Variants in UBE2N observed in about 807,000 individuals in gnomAD.
UBE2N encodes ubiquitin conjugating enzyme E2 N.
For missense variants in UBE2N, 60 were observed against 192.1 expected (o/e 0.31, Z 4.07); for synonymous variants, 70 against 69.2 (o/e 1.01, Z -0.06).
intron 1 of UBE2N, among the ~76,000 whole-genome samples, chr12:93,438,012 C>T (rs78045179): frequency 3.3e-4 from 51 of 152,262 alleles, no homozygotes; most frequent in Non-Finnish European, 5.9e-4. Flanking sequence ...GGGTGGAAAA[C>T]GAGACTAGCT....
intron 1 of UBE2N, among the ~76,000 whole-genome samples, chr12:93,436,364 A>G (rs964626254): frequency 1.3e-5 from 2 of 152,196 alleles, no homozygotes; most frequent in Admixed American, 1.3e-4. Flanking sequence ...TCAGCCTCCC[A>G]AAGTACTGAG....
rs1465333943 is a variant in UBE2N at position 93,407,309 on chromosome 12, T to C, written c.*2730A>G. 1 of 152,282 alleles carries C rather than the reference T, an allele frequency of 6.6e-6. No homozygotes were observed. Among genetic ancestry groups the C allele is most frequent in the Non-Finnish European group, 1.5e-5 (1 of 68,098 alleles). 9.4% of individuals were successfully genotyped at this position (152,282 alleles called of 1,614,324 possible). On this transcript the variant is annotated 3_prime_UTR_variant, in exon 4 of 4. Coordinates refer to ENST00000318066, the MANE Select transcript of UBE2N (RefSeq NM_003348.4). ...CTTTTCCATGACAGAGTTACAACTATTTGTCTGTCCCCCTTCCCCATTAGA... is the reference window on the plus strand; with the variant it reads ...CTTTTCCATGACAGAGTTACAACTACTTGTCTGTCCCCCTTCCCCATTAGA...
chr12:93,441,719 G>A (rs1879120406), intron 1 of UBE2N, 136 bp downstream of exon 1: 2 of 1,221,330 alleles, frequency 1.6e-6, no homozygotes, highest in Middle Eastern at 5.5e-4. Context: ...CCTCGCCGCC[G>A]CGGCCAACCC....
rs34053448 is a variant in UBE2N at position 93,429,563 on chromosome 12, TAA to T, written c.30+12290_30+12291del. Among the ~76,000 whole-genome samples, 381 of 138,732 alleles carry T rather than the reference TAA, an allele frequency of 2.7e-3. 3 individuals carry two copies. Among genetic ancestry groups the T allele is most frequent in the African/African-American group, 8.3e-3 (313 of 37,748 alleles). The allele number at this position is 138,732 out of a possible 152,430, so 91.0% of individuals were successfully genotyped here. On this transcript the variant is annotated intron_variant, in intron 1 of 3. Coordinates refer to ENST00000318066, the MANE Select transcript of UBE2N (RefSeq NM_003348.4). ...TTTAGAGTGTATTCCTTCTGCTTGT[TAA>T]AAAAAAAAAAAAAAGTTGACTGTAA...
In UBE2N at chr12:93,411,255, G is replaced by A. The variant is rs781128824; in HGVS notation, c.75C>T (p.Ala25=). ...LLAEPVPGIK[A]EPDESNARYF... ...AACGGGCGTTGCTCTCATCTGGTTC[G>A]GCTTTGATGCCAGGAACTGGTTCTG... is the stretch of plus-strand genomic sequence containing the variant. The change falls in exon 2 of 4, where the codon GCC becomes GCT. Residue 25 remains alanine (A), a synonymous_variant. Transcript: ENST00000318066. The A allele has an allele frequency of 8.7e-6, 14 of 1,612,706 alleles. No individual in the cohort carries two copies. Among genetic ancestry groups the A allele is most frequent in the South Asian group, 5.5e-5 (5 of 91,026 alleles).
chr12:93,409,878 G>C lies in UBE2N; in HGVS notation c.*161C>G. The stretch of plus-strand genomic sequence containing the variant: ...GCTTTATGACAGTGAATCAGGACAA[G>C]ACATAGATTTGCTAATGTGCATTTA... On this transcript the variant is annotated 3_prime_UTR_variant, in exon 4 of 4. Coordinates refer to ENST00000318066, the MANE Select transcript of UBE2N (RefSeq NM_003348.4). The C allele has an allele frequency of 1.4e-6, 1 of 693,190 alleles. No individual in the cohort carries two copies. The highest frequency in any genetic ancestry group is 2.5e-6 in the Non-Finnish European group (1 of 393,368). The allele number at this position is 693,190 out of a possible 1,614,324, so 42.9% of individuals were successfully genotyped here.
rs1278765489 is a variant in UBE2N, at chr12:93,409,403, T to A, written c.*636A>T. Reference sequence around the variant, plus strand: ...ACTAAAACATAAGATTTACAGAAGTTTCCAGACAAGCCATACAAAATGGTC... The same window carrying A: ...ACTAAAACATAAGATTTACAGAAGTATCCAGACAAGCCATACAAAATGGTC... On this transcript the variant is annotated 3_prime_UTR_variant, in exon 4 of 4. Transcript: ENST00000318066. 1 of 166,930 alleles carries A rather than the reference T, an allele frequency of 6.0e-6. No individual in the cohort carries two copies. Among genetic ancestry groups the A allele is most frequent in the East Asian group, 1.9e-4 (1 of 5,194 alleles). The allele number at this position is 166,930 out of a possible 1,614,324, so 10.3% of individuals were successfully genotyped here. A position where few individuals can be genotyped will look rare whatever the true frequency, so the allele number is the denominator to read the frequency against.
chr12:93,435,562 G>A (rs1181920985), intron 1 of UBE2N, among the ~76,000 whole-genome samples: 3 of 152,190 alleles, frequency 2.0e-5, no homozygotes, highest in Admixed American at 2.0e-4. Flanking sequence ...GGAGGCAGAG[G>A]TTGTAGTAAG....
At chr12:93,421,967 G>A (rs1878425228) in intron 1 of UBE2N, among the ~76,000 whole-genome samples, 1 of 152,230 alleles carries the variant, frequency 6.6e-6, no homozygotes. Context: ...TACAGGAGGT[G>A]TGAGTTAGGA....
At chr12:93,431,990 C>T (rs1878785070) in intron 1 of UBE2N, among the ~76,000 whole-genome samples, 1 of 152,054 alleles carries the variant, frequency 6.6e-6, no homozygotes, top group African/African-American at 2.4e-5. Context: ...TCCCAGCACT[C>T]TGGGAGGCTG....
rs1240245428 is a variant in UBE2N at position 93,405,793 on chromosome 12, T to C, written c.*4246A>G. Reference sequence around the variant, plus strand: ...AAGTATAAACCCTCATATAATTCCCTAAGATGGGTGGCATGCCAAGTAGCT... The same window carrying C: ...AAGTATAAACCCTCATATAATTCCCCAAGATGGGTGGCATGCCAAGTAGCT... On this transcript the variant is annotated 3_prime_UTR_variant, in exon 4 of 4. Transcript: ENST00000318066. The C allele has an allele frequency of 6.6e-6, 1 of 152,218 alleles. No homozygotes were observed. Among genetic ancestry groups the C allele is most frequent in the Non-Finnish European group, 1.5e-5 (1 of 68,040 alleles). The allele number at this position is 152,218 out of a possible 1,614,324, so 9.4% of individuals were successfully genotyped here.
At chr12:93,441,801 C>A in intron 1 of UBE2N, 54 bp downstream of exon 1, 4 of 1,571,878 alleles carry the variant, frequency 2.5e-6, no homozygotes, top group Non-Finnish European at 3.4e-6. Context: ...GCTGCCTGCC[C>A]AGCTGAGCCG....
rs774675020 is a variant in UBE2N, at chr12:93,408,952, A to G, written c.*1087T>C. 6.5e-6 allele frequency: 1 copy of G among 152,678 alleles called. No individual in the cohort carries two copies. The highest frequency in any genetic ancestry group is 6.5e-5 in the Admixed American group (1 of 15,284). 9.5% of individuals were successfully genotyped at this position (152,678 alleles called of 1,614,324 possible). On this transcript the variant is annotated 3_prime_UTR_variant, in exon 4 of 4. Coordinates refer to ENST00000318066, the MANE Select transcript of UBE2N (RefSeq NM_003348.4). ...AGAAAAATGTCATAACCCAAATTTT[A>G]GGCAAAAATGTGGCACAACTGTGAA...
chr12:93,434,860 T>C (rs1878883638), intron 1 of UBE2N, among the ~76,000 whole-genome samples: 1 of 152,220 alleles, frequency 6.6e-6, no homozygotes, highest in Admixed American at 6.5e-5. Context: ...TTACAACTTA[T>C]AACAAATCTG....
At chr12:93,427,692 T>C (rs1349848158) in intron 1 of UBE2N, among the ~76,000 whole-genome samples, 1 of 152,162 alleles carries the variant, frequency 6.6e-6, no homozygotes, top group Non-Finnish European at 1.5e-5. Context: ...ACTTTGTGAA[T>C]ACATGAAAAA....
intron 1 of UBE2N, among the ~76,000 whole-genome samples, chr12:93,418,965 G>A (rs1008272246): frequency 6.6e-6 from 1 of 152,064 alleles, no homozygotes; most frequent in African/African-American, 2.4e-5. Context: ...AAATTAGTCT[G>A]GAGAGTGAAA....
chr12:93,421,544 G>C (rs1156391541), intron 1 of UBE2N, among the ~76,000 whole-genome samples: 1 of 152,172 alleles, frequency 6.6e-6, no homozygotes, highest in Non-Finnish European at 1.5e-5. Flanking sequence ...ACAGTAAACA[G>C]CACGGGAGTT....
At chr12:93,411,984 A>T (rs904283331) in intron 1 of UBE2N, among the ~76,000 whole-genome samples, 1 of 152,038 alleles carries the variant, frequency 6.6e-6, no homozygotes, top group African/African-American at 2.4e-5. Flanking sequence ...GGGCCAACAC[A>T]CTCGGCCAAA....
chr12:93,407,750 A>T lies in UBE2N; in HGVS notation c.*2289T>A, dbSNP rs1269651610. 6.6e-6 allele frequency: 1 copy of T among 152,222 alleles called. No individual in the cohort carries two copies. Among genetic ancestry groups the T allele is most frequent in the Non-Finnish European group, 1.5e-5 (1 of 68,032 alleles). The allele number at this position is 152,222 out of a possible 1,614,324, so 9.4% of individuals were successfully genotyped here. A position where few individuals can be genotyped will look rare whatever the true frequency, so the allele number is the denominator to read the frequency against. ...CCACACTGTGTGGGCCAGGGAAAAC[A>T]GGCCCAAAGGCCAGGTGAAGCTGCA... On this transcript the variant is annotated 3_prime_UTR_variant, in exon 4 of 4. Coordinates refer to ENST00000318066, the MANE Select transcript of UBE2N (RefSeq NM_003348.4).
Sources: allele counts gnomAD v4.1 joint callset (sites outside exome capture counted in the v4.1 genomes callset), GRCh38; gene constraint gnomAD v4.1.1; transcripts MANE v1.5; gene names NCBI Gene and HGNC (gene_info 2026-07-23, HGNC 2026-07-21).